The following ERI2 variants were observed in gnomAD, a reference collection of about 807,000 sequenced individuals.
ERI2 encodes ERI1 exoribonuclease 2.
Under a neutral mutation model 46.8 loss-of-function variants are expected in ERI2, and 35 were observed. That is an observed-to-expected ratio of 0.75 (90% CI 0.57 to 0.99). The LOEUF (loss-of-function observed/expected upper bound fraction) is 0.99, where lower values mean the gene tolerates loss of function less well. Ranked by LOEUF, ERI2 falls within the 50% of genes least tolerant of loss-of-function variation. The pLI, the probability that ERI2 is intolerant of heterozygous loss-of-function variation, is 0.00. For missense variants in ERI2, 695 were observed against 796.2 expected (o/e 0.87, Z 1.53); for synonymous variants, 224 against 271.0 (o/e 0.83, Z 1.70).
rs894680687 is a variant in ERI2, at chr16:20,798,983, T to C, written c.817A>G (p.Ile273Val). 1.3e-6 allele frequency: 2 copies of C among 1,543,700 alleles called. No individual in the cohort carries two copies. The highest frequency in any genetic ancestry group is 2.8e-5 in the African/African-American group (2 of 72,538). Residue 273 changes from isoleucine to valine, a missense_variant, in exon 9 of 9, where the codon ATC becomes GTC. Physicochemically the swap from Ile to Val is conservative, Grantham distance 29. Coordinates refer to ENST00000357967, the MANE Select transcript of ERI2 (RefSeq NM_001142725.2). ...TTATTATATATGCTGGGACCCTGGA[T>C]GCTAATGTTACAGGCAGACATTTCT... is the stretch of plus-strand genomic sequence containing the variant. ...VEEMSACNISIQGPSIYNKEP... is the reference protein window; with the variant it reads ...VEEMSACNISVQGPSIYNKEP...
chr16:20,792,292 C>T, downstream of ERI2: 1 of 1,614,100 alleles, frequency 6.2e-7, no homozygotes, highest in Non-Finnish European at 8.5e-7. Context: ...CCTTCAGTTG[C>T]AGAGTCAGCT....
At chr16:20,789,684 CTTTT>C (rs561663756) in intron 9 of ERI2, 1,216 of 443,240 alleles carry the variant, frequency 2.7e-3, no homozygotes, top group East Asian at 3.4e-3. Flanking sequence ...CTCTATTTTT[CTTTT>C]TTTTTTTTTT....
intron 4 of ERI2, among the ~76,000 whole-genome samples, chr16:20,802,159 T>G (rs902345091): frequency 1.3e-5 from 2 of 150,996 alleles, no homozygotes; most frequent in Non-Finnish European, 3.0e-5. Context: ...CTGGCCAACA[T>G]AGTGAAACCC....
In ERI2 at chr16:20,796,390, T is replaced by C; in HGVS notation, c.*1334A>G. 1 of 1,612,238 alleles carries C rather than the reference T, an allele frequency of 6.2e-7. No individual in the cohort carries two copies. The highest frequency in any genetic ancestry group is 8.5e-7 in the Non-Finnish European group (1 of 1,179,616). ...TTTAGGTAGTAAAGGCTTTTGTCGT[T>C]CTAAATCCTGATTACAAGTCACATG... On this transcript the variant is annotated 3_prime_UTR_variant, in exon 9 of 9. Transcript: ENST00000357967.
chr16:20,804,074 G>A (rs572059711), intron 1 of ERI2, among the ~76,000 whole-genome samples: 29 of 148,676 alleles, frequency 2.0e-4, no homozygotes, highest in Admixed American at 1.2e-3. Flanking sequence ...GGCTCATCTC[G>A]AACTCCTGAG....
rs1176734154 is a variant in ERI2 at position 20,798,729 on chromosome 16, T to C, written c.1071A>G (p.Gly357=). Residue 357 remains glycine (G), a synonymous_variant, in exon 9 of 9, where the codon GGA becomes GGG. Coordinates refer to ENST00000357967, the MANE Select transcript of ERI2 (RefSeq NM_001142725.2). The stretch of plus-strand genomic sequence containing the variant: ...TATTAAATGCAAGATGTTCATTTTT[T>C]CCTTGCTTTTGCATATAGATAGGTG... ...LNSPIYMQKQ[G]KNEHLAFNTK... The C allele has an allele frequency of 1.9e-6, 3 of 1,551,648 alleles. No homozygotes were observed. Among genetic ancestry groups the C allele is most frequent in the African/African-American group, 1.4e-5 (1 of 73,168 alleles).
chr16:20,797,857 G>C lies in ERI2; in HGVS notation c.1943C>G (p.Ala648Gly). The C allele has an allele frequency of 6.4e-7, 1 of 1,551,554 alleles. No homozygotes were observed. The highest frequency in any genetic ancestry group is 8.7e-7 in the Non-Finnish European group (1 of 1,146,900). The stretch of plus-strand genomic sequence containing the variant: ...GGAATGAGATGGAACCATGCTGTTG[G>C]CTCTTTCCTTTTGAAGTGTTTGTTC... ...KWEQTLQKER[A>G]NSMVPSHSTG... The change falls in exon 9 of 9, where the codon GCC becomes GGC. Residue 648 changes from alanine to glycine, a missense_variant. Physicochemically the swap from Ala to Gly is moderately conservative, Grantham distance 60 (BLOSUM62 0). Transcript: ENST00000357967.
chr16:20,801,181 A>T (rs899138088), intron 5 of ERI2, 22 bp downstream of exon 5: 3 of 1,576,616 alleles, frequency 1.9e-6, no homozygotes, highest in African/African-American at 2.7e-5. Flanking sequence ...TCTGTGATTA[A>T]TAGGTATAAC....
At chr16:20,780,954 G>A (rs973646056) in intron 10 of ERI2, 1 of 1,613,804 alleles carries the variant, frequency 6.2e-7, no homozygotes, top group Non-Finnish European at 8.5e-7. Flanking sequence ...GTACATCAGG[G>A]CTACTCTTTG....
chr16:20,790,941 A>C lies in ERI2; in HGVS notation c.733-9T>G. 1 of 1,613,534 alleles carries C rather than the reference A, an allele frequency of 6.2e-7. No homozygotes were observed. The highest frequency in any genetic ancestry group is 8.5e-7 in the Non-Finnish European group (1 of 1,179,728). On this transcript the variant is annotated splice_polypyrimidine_tract_variant and intron_variant, in intron 8 of 10. Transcript: ENST00000300005. The surrounding 1 kb of genome is among the most constrained non-coding windows in gnomAD (Gnocchi z 4.0). ...GGCAAGAGGAAGGGACCCTAGAAAG[A>C]GGACAGCCTCTTAACATCCCCTGAT... is the stretch of plus-strand genomic sequence containing the variant.
In ERI2 at chr16:20,798,944, T is replaced by C. The variant is rs16970675; in HGVS notation, c.856A>G (p.Ile286Val). 84,491 of 1,550,980 alleles carry C rather than the reference T, an allele frequency of 0.054. 2,597 individuals are homozygous for C. Among genetic ancestry groups the C allele is most frequent in the Middle Eastern group, 0.15 (889 of 5,992 alleles). ...TGAACTTTTTCATGAGGATTTATTA[T>C]ATTTTTAGGCTCCTTATTATATATG... The part of the protein sequence containing the change: ...PSIYNKEPKN[I>V]INPHEKVQMK... Residue 286 changes from isoleucine to valine, a missense_variant, in exon 9 of 9, where the codon ATA becomes GTA. Physicochemically the swap from Ile to Val is conservative, Grantham distance 29. Coordinates refer to ENST00000357967, the MANE Select transcript of ERI2 (RefSeq NM_001142725.2).
chr16:20,803,745 T>C, intron 1 of ERI2, 75 bp from the exon 2 acceptor site: 3 of 1,509,596 alleles, frequency 2.0e-6, no homozygotes, highest in Non-Finnish European at 2.7e-6. Context: ...ACCAAACTAA[T>C]GGTACTGGGC....
downstream of ERI2, among the ~76,000 whole-genome samples, chr16:20,791,751 A>C (rs2080602697): frequency 6.6e-6 from 1 of 152,084 alleles, no homozygotes. Flanking sequence ...ACATGGGGAA[A>C]CTCCATCTCA....
chr16:20,792,543 G>T, downstream of ERI2: 1 of 985,354 alleles, frequency 1.0e-6, no homozygotes, highest in Non-Finnish European at 1.2e-6. Flanking sequence ...ACAAAATAAG[G>T]CTGAAAATAC....
chr16:20,801,251 C>T lies in ERI2; in HGVS notation c.412G>A (p.Glu138Lys), dbSNP rs2080792578. The T allele has an allele frequency of 1.2e-6, 2 of 1,612,504 alleles. No homozygotes were observed. Among genetic ancestry groups the T allele is most frequent in the African/African-American group, 1.3e-5 (1 of 74,978 alleles). The change falls in exon 5 of 9, where the codon GAG becomes AAG. Residue 138 changes from glutamate (E) to lysine (K), a missense_variant. Transcript: ENST00000357967. Reference protein sequence around the residue: ...KNIIFATGISEPSASEVKLCA... With the variant: ...KNIIFATGISKPSASEVKLCA... Reference sequence around the variant, plus strand: ...AATTTTACTTCAGAAGCAGAAGGCTCTGAAATCCCAGTAGCAAAAATAATG... The same window carrying T: ...AATTTTACTTCAGAAGCAGAAGGCTTTGAAATCCCAGTAGCAAAAATAATG...
At chr16:20,801,415 C>A in intron 4 of ERI2, 56 bp from the exon 5 acceptor site, 1 of 1,510,062 alleles carries the variant, frequency 6.6e-7, no homozygotes, top group South Asian at 1.3e-5. Context: ...TATTATTTAG[C>A]ATGTTTTATA....
At chr16:20,803,795 C>G in intron 1 of ERI2, 125 bp from the exon 2 acceptor site, 1 of 1,229,774 alleles carries the variant, frequency 8.1e-7, no homozygotes, top group Non-Finnish European at 1.1e-6. Flanking sequence ...GGAAATCGAA[C>G]TGGACTTTGG....
chr16:20,781,042 C>CA, intron 10 of ERI2: 2 of 1,614,150 alleles, frequency 1.2e-6, no homozygotes. Context: ...GCAAAGTCTG[C>CA]ATGGAGTAGT....
downstream of ERI2, among the ~76,000 whole-genome samples, chr16:20,794,861 T>G (rs994423748): frequency 6.6e-6 from 1 of 152,236 alleles, no homozygotes; most frequent in African/African-American, 2.4e-5. Context: ...GTTCATACTC[T>G]TACCCATGTT....
Sources: allele counts gnomAD v4.1 joint callset (sites outside exome capture counted in the v4.1 genomes callset), GRCh38; gene constraint gnomAD v4.1.1; non-coding constraint Gnocchi (gnomAD v3.1); transcripts MANE v1.5; gene names NCBI Gene and HGNC (gene_info 2026-07-23, HGNC 2026-07-21).